TMEM164: variants seen among roughly 807,000 people sequenced by gnomAD.
TMEM164 encodes the protein transmembrane protein 164.
A neutral mutation model predicts 18.8 loss-of-function variants in TMEM164; 4 were observed. The observed-to-expected ratio is 0.21, with a 90% CI of 0.10 to 0.49. The LOEUF (loss-of-function observed/expected upper bound fraction) is 0.49. TMEM164 is among the 20% of genes least tolerant of loss of function. The pLI is 0.98. For synonymous variants in TMEM164, 86 were observed against 101.7 expected (o/e 0.85, Z 0.93); for missense variants, 108 against 239.9 (o/e 0.45, Z 3.63).
chrX:110,169,552 C>CA (rs1326916836), intron 5 of TMEM164, among the ~76,000 whole-genome samples: 1 of 111,695 alleles, frequency 9.0e-6, no homozygotes, highest in Non-Finnish European at 1.9e-5. Context: ...TTTGCAGACA[C>CA]ACGTGATCAC....
chrX:110,182,011 G>C (rs1188363113), downstream of TMEM164, among the ~76,000 whole-genome samples: 2 of 111,547 alleles, frequency 1.8e-5, no homozygotes, highest in Non-Finnish European at 3.8e-5. Flanking sequence ...TTATTTCATG[G>C]ACTCTAAGAC....
rs1298655669 is a variant in TMEM164 at position 110,067,357 on chromosome X, T to C, written c.401T>C (p.Leu134Pro). 8.3e-7 allele frequency: 1 copy of C among 1,211,864 alleles called. No individual in the cohort carries two copies. The highest frequency in any genetic ancestry group is 1.7e-5 in the African/African-American group (1 of 57,944). Residue 134 changes from leucine (L) to proline (P), a missense_variant, in exon 3 of 7, where the codon CTG (leucine) becomes CCG (proline). By Grantham distance (98) the Leu-to-Pro change is moderately conservative. Transcript: ENST00000372068. ...CTTCTTCAATTGCAGATCTTTCTCC[T>C]GGCCTGCCCTCCATGTCGGGGAGCT... ...HLVTMMHIFL[L>P]ACPPCRGAIV... is the part of the protein sequence containing the mutation.
intron 3 of TMEM164, among the ~76,000 whole-genome samples, chrX:110,083,546 C>T (rs1387970984): frequency 9.0e-6 from 1 of 110,937 alleles, no homozygotes; most frequent in South Asian, 3.8e-4. Context: ...TTTTTTCGTC[C>T]AAATGAACTT....
intron 4 of TMEM164, among the ~76,000 whole-genome samples, chrX:110,118,258 T>G (rs1414746617): frequency 8.0e-5 from 9 of 112,224 alleles, no homozygotes; most frequent in Non-Finnish European, 5.6e-5. Flanking sequence ...ATCAGTAATC[T>G]CTTCAGGCAT....
At chrX:110,017,490 C>CTCTTTCTTT (rs1186210362) in intron 2 of TMEM164, among the ~76,000 whole-genome samples, 1 of 3,981 alleles carries the variant, frequency 2.5e-4, no homozygotes, top group Admixed American at 3.9e-3. Flanking sequence ...CTCCCTCCCT[C>CTCTTTCTTT]CCTCCCTCCC....
In TMEM164 at chrX:110,175,391, A is replaced by G. The variant is rs2067278670; in HGVS notation, c.*1940A>G. On this transcript the variant is annotated 3_prime_UTR_variant, in exon 7 of 7. Transcript: ENST00000372068. Reference sequence around the variant, plus strand: ...ACCAGAACTTGGAGTTGCTGCCAGCAGAGGATCTGTGCCTCAGCTGAAGAC... The same window carrying G: ...ACCAGAACTTGGAGTTGCTGCCAGCGGAGGATCTGTGCCTCAGCTGAAGAC... The G allele has an allele frequency of 8.8e-6, 1 of 113,333 alleles. No individual in the cohort carries two copies. Among genetic ancestry groups the G allele is most frequent in the Non-Finnish European group, 1.9e-5 (1 of 53,441 alleles). 9.3% of individuals were successfully genotyped at this position (113,333 alleles called of 1,213,427 possible).
chrX:110,148,675 AT>A (rs373500523), intron 5 of TMEM164, among the ~76,000 whole-genome samples: 913 of 67,797 alleles, frequency 0.013, 7 homozygotes, highest in African/African-American at 0.05. Flanking sequence ...CACCCGGCTC[AT>A]TTTTTTTTTT....
chrX:110,046,509 A>G (rs1184255512), intron 2 of TMEM164: 1 of 743,700 alleles, frequency 1.3e-6, no homozygotes, highest in Non-Finnish European at 1.6e-6. Flanking sequence ...AAAAGGTGGG[A>G]TGGGGCCAAG....
At chrX:110,180,522 C>T (rs1386706755), downstream of TMEM164, among the ~76,000 whole-genome samples, 1 of 108,076 alleles carries the variant, frequency 9.3e-6, no homozygotes, top group Non-Finnish European at 1.9e-5. Context: ...CTCTGCCTCG[C>T]ATCTGAATTG....
intron 2 of TMEM164, among the ~76,000 whole-genome samples, chrX:110,007,206 A>C (rs2147662723): frequency 8.9e-6 from 1 of 112,420 alleles, no homozygotes; most frequent in South Asian, 3.7e-4. Flanking sequence ...TAGTAGCATA[A>C]GGAAGGGCAG....
chrX:110,008,215 T>G (rs772420399), intron 2 of TMEM164, among the ~76,000 whole-genome samples: 85 of 112,308 alleles, frequency 7.6e-4, no homozygotes, highest in African/African-American at 2.5e-3. Flanking sequence ...GTCCTGAGCT[T>G]TTTGTGAAAC....
chrX:110,125,116 G>A (rs1249999358), intron 4 of TMEM164, among the ~76,000 whole-genome samples: 2 of 111,979 alleles, frequency 1.8e-5, no homozygotes, highest in Non-Finnish European at 3.8e-5. Context: ...AATGAGGACG[G>A]TCATAACAAT....
At chrX:110,077,213 T>G (rs2065684900) in intron 3 of TMEM164, among the ~76,000 whole-genome samples, 1 of 112,279 alleles carries the variant, frequency 8.9e-6, no homozygotes, top group Non-Finnish European at 1.9e-5. Context: ...TGTAATACTC[T>G]TATTTGTCCT....
At position 110,118,286 on chromosome X, in the gene TMEM164, T is replaced by G. The variant is rs898886046; in HGVS notation, c.507+9140T>G. On this transcript the variant is annotated intron_variant, in intron 4 of 6. Transcript: ENST00000372068. ...TCAGGCATGGACATAACTCTTTTCA[T>G]CCATAGTTTGGTTGGACTATATATT... Among the ~76,000 whole-genome samples the G allele has an allele frequency of 2.7e-5, 3 of 112,278 alleles. No individual in the cohort carries two copies. The East Asian group carries it at 8.3e-4, about 31-fold the overall frequency.
At chrX:110,121,966 T>C (rs2066455710) in intron 4 of TMEM164, among the ~76,000 whole-genome samples, 1 of 112,163 alleles carries the variant, frequency 8.9e-6, no homozygotes, top group African/African-American at 3.2e-5. Flanking sequence ...TGCTGCACTT[T>C]GTACTTACCA....
intron 3 of TMEM164, among the ~76,000 whole-genome samples, chrX:110,084,415 A>ATAGTATATATATATAGTG (rs1569321014): frequency 6.4e-5 from 6 of 93,943 alleles, no homozygotes; most frequent in South Asian, 8.4e-4. Flanking sequence ...TATATAGTGT[A>ATAGTATATATATATAGTG]TATATATATA....
At chrX:110,105,750 TGAGAGAGA>T (rs59866982) in intron 3 of TMEM164, among the ~76,000 whole-genome samples, 3,181 of 72,136 alleles carry the variant, frequency 0.044, 47 homozygotes, top group Middle Eastern at 0.092. Flanking sequence ...AGAGAGAGAA[TGAGAGAGA>T]GAGAGAGAGA....
chrX:110,120,096 A>G (rs1000213816), intron 4 of TMEM164, among the ~76,000 whole-genome samples: 4 of 112,120 alleles, frequency 3.6e-5, no homozygotes, highest in African/African-American at 1.3e-4. Context: ...TGGGTTTTCA[A>G]ATAAAATGTC....
At chrX:110,106,838 A>C (rs1476456948) in intron 3 of TMEM164, among the ~76,000 whole-genome samples, 1 of 111,874 alleles carries the variant, frequency 8.9e-6, no homozygotes, top group Non-Finnish European at 1.9e-5. Context: ...TGCTATAGAC[A>C]GTGAGGCTTG....
Sources: gnomAD v4.1 joint callset for allele counts (sites outside exome capture counted in the v4.1 genomes callset) on GRCh38, gnomAD v4.1.1 for gene constraint, MANE v1.5 for transcripts, NCBI Gene and HGNC (gene_info 2026-07-23, HGNC 2026-07-21) for gene names.